The following KMT2C variants were observed in gnomAD, a reference collection of about 807,000 sequenced individuals.
KMT2C encodes histone-lysine N-methyltransferase 2C.
In KMT2C, 88 loss-of-function variants were observed where a neutral mutation model predicts 507.9. The ratio of observed to expected loss-of-function variants is 0.17; its 90% confidence interval spans 0.15 to 0.21. KMT2C has a LOEUF of 0.21. Ranked by LOEUF, KMT2C falls within the 10% of genes least tolerant of loss-of-function variation. KMT2C has a pLI of 1.00. For synonymous variants in KMT2C, 2,049 were observed against 2,080.8 expected (o/e 0.98, Z 0.42); for missense variants, 4,954 against 5,957.8 (o/e 0.83, Z 5.55).
chr7:152,297,017 G>GA (rs1330816776), intron 6 of KMT2C, among the ~76,000 whole-genome samples: 1 of 82,290 alleles, frequency 1.2e-5, no homozygotes, highest in Non-Finnish European at 2.2e-5. Flanking sequence ...AAGAAAGAAA[G>GA]AAAGAAAGAA....
In KMT2C at chr7:152,267,585, T is replaced by A. The variant is rs145442261; in HGVS notation, c.1013-2376A>T. Among the ~76,000 whole-genome samples the A allele has an allele frequency of 2.2e-4, 34 of 152,358 alleles. No homozygotes were observed. The East Asian group carries it at 6.6e-3, about 29-fold the overall frequency. ...TGACATTACTTTTAATGGCGAAGAC[T>A]GCAATTACCTTTGTACCTACCTAAT... On this transcript the variant is annotated intron_variant, in intron 7 of 58. Transcript: ENST00000262189.
At chr7:152,200,808 G>A (rs2094113726) in intron 26 of KMT2C, among the ~76,000 whole-genome samples, 2 of 152,140 alleles carry the variant, frequency 1.3e-5, no homozygotes, top group Non-Finnish European at 2.9e-5. Context: ...AAGGACAAAT[G>A]CCAAATTATT....
intron 23 of KMT2C, 84 bp downstream of exon 23, chr7:152,220,439 G>C (rs2094729946): frequency 1.9e-6 from 2 of 1,071,622 alleles, no homozygotes; most frequent in African/African-American, 3.1e-5. Flanking sequence ...TTTACCCTTT[G>C]GTAAATCATA....
chr7:152,187,157 T>A, intron 33 of KMT2C, 105 bp downstream of exon 33: 1 of 843,770 alleles, frequency 1.2e-6, no homozygotes, highest in South Asian at 1.6e-5. Context: ...TGGGTCATCA[T>A]AGACAAAAAT....
At chr7:152,333,090 A>G (rs2096899408) in intron 2 of KMT2C, among the ~76,000 whole-genome samples, 2 of 152,126 alleles carry the variant, frequency 1.3e-5, no homozygotes, top group African/African-American at 4.8e-5. Context: ...GATTTCCTTT[A>G]GACCTCTAAA....
At position 152,384,576 on chromosome 7, in the gene KMT2C, C is replaced by T. The variant is rs1589627137; in HGVS notation, c.162-25901G>A. On this transcript the variant is annotated intron_variant, in intron 1 of 58. Coordinates refer to ENST00000262189, the MANE Select transcript of KMT2C (RefSeq NM_170606.3). ...CCACCACCACCACCACCACCACCAC[C>T]ACCACCACCACCACCACCACCACCA... Among the ~76,000 whole-genome samples the T allele has an allele frequency of 4.9e-4, 71 of 144,580 alleles. 1 individual carries two copies. Among genetic ancestry groups the T allele is most frequent in the South Asian group, 2.7e-3 (12 of 4,406 alleles). 94.9% of individuals were successfully genotyped at this position (144,580 alleles called of 152,430 possible).
chr7:152,226,924 C>G (rs1173722837), intron 18 of KMT2C, among the ~76,000 whole-genome samples: 1 of 152,152 alleles, frequency 6.6e-6, no homozygotes, highest in Non-Finnish European at 1.5e-5. Flanking sequence ...TAAACAATGA[C>G]CTGAAGATAA....
At chr7:152,265,297 A>C (rs2095844185) in intron 7 of KMT2C, 88 bp from the exon 8 acceptor site, 1 of 1,558,116 alleles carries the variant, frequency 6.4e-7, no homozygotes, top group African/African-American at 1.4e-5. Context: ...AAGGATTTGC[A>C]TCATGAACCT....
chr7:152,351,589 G>A (rs1482109160), intron 2 of KMT2C, among the ~76,000 whole-genome samples: 1 of 152,176 alleles, frequency 6.6e-6, no homozygotes, highest in Non-Finnish European at 1.5e-5. Context: ...TCCCTTTGTT[G>A]TGGGAAGTCA....
chr7:152,367,510 A>AC (rs1259729966), intron 1 of KMT2C: 1 of 1,017,386 alleles, frequency 9.8e-7, no homozygotes, highest in Non-Finnish European at 1.5e-6. Flanking sequence ...GAGCCACCTT[A>AC]CCCAGAGAGG....
intron 1 of KMT2C, among the ~76,000 whole-genome samples, chr7:152,392,912 T>G (rs2097510978): frequency 6.6e-6 from 1 of 152,190 alleles, no homozygotes; most frequent in Non-Finnish European, 1.5e-5. Flanking sequence ...AAGGGCAACA[T>G]AGTGATATCT....
chr7:152,353,907 T>C (rs1274866709), intron 2 of KMT2C, among the ~76,000 whole-genome samples: 2 of 152,198 alleles, frequency 1.3e-5, no homozygotes, highest in Non-Finnish European at 2.9e-5. Context: ...CATACATATG[T>C]TAAAACCTTG....
chr7:152,182,210 G>T lies in KMT2C; in HGVS notation c.5650C>A (p.Pro1884Thr), dbSNP rs778626630. ...SQPPSPQVFS[P>T]GSSNSRPPSP... ...GGTGGTCGTGAGTTAGAGGACCCAG[G>T]TGAAAACACTTGCGGTGAGGGTGGC... Residue 1884 changes from proline to threonine, a missense_variant, in exon 36 of 59, where the codon CCT (proline) becomes ACT (threonine). Pro to Thr is a conservative substitution (Grantham distance 38, BLOSUM62 -1). Around this residue, in one of 29 missense-constraint regions of KMT2C, gnomAD observed 1,689 missense variants for 1,654.3 expected, o/e 1.02. Coordinates refer to ENST00000262189, the MANE Select transcript of KMT2C (RefSeq NM_170606.3). The T allele has an allele frequency of 1.2e-6, 2 of 1,614,138 alleles. No homozygotes were observed. The highest frequency in any genetic ancestry group is 1.7e-6 in the Non-Finnish European group (2 of 1,180,044).
At chr7:152,372,962 C>T (rs1420049485) in intron 1 of KMT2C, among the ~76,000 whole-genome samples, 1 of 152,068 alleles carries the variant, frequency 6.6e-6, no homozygotes, top group Non-Finnish European at 1.5e-5. Flanking sequence ...TGTTAGGCCA[C>T]AAAACAAGTT....
At chr7:152,270,915 T>C (rs970581036) in intron 7 of KMT2C, among the ~76,000 whole-genome samples, 150 of 152,328 alleles carry the variant, frequency 9.8e-4, no homozygotes, top group African/African-American at 3.5e-3. Flanking sequence ...ATGCATGCTT[T>C]TGTTAAATTT....
At chr7:152,211,556 C>T (rs1399547292) in intron 23 of KMT2C, among the ~76,000 whole-genome samples, 5 of 152,186 alleles carry the variant, frequency 3.3e-5, no homozygotes, top group African/African-American at 1.2e-4. Flanking sequence ...TGAAACAATG[C>T]ACACAAGGAC....
chr7:152,251,009 T>C (rs1223512208), intron 11 of KMT2C, 43 bp from the exon 12 acceptor site: 6 of 1,126,184 alleles, frequency 5.3e-6, no homozygotes, highest in Non-Finnish European at 8.0e-6. Flanking sequence ...AATGAGTTTT[T>C]TTCTTTGTTC....
chr7:152,139,146 C>A (rs774764448), intron 57 of KMT2C, 40 bp downstream of exon 57: 7 of 1,599,788 alleles, frequency 4.4e-6, no homozygotes, highest in Non-Finnish European at 6.0e-6. Flanking sequence ...ACTGGCCCCA[C>A]AAGCAAAAGC....
At chr7:152,321,903 A>G (rs2096776068) in intron 3 of KMT2C, among the ~76,000 whole-genome samples, 2 of 151,988 alleles carry the variant, frequency 1.3e-5, no homozygotes, top group African/African-American at 4.8e-5. Flanking sequence ...GTCAATTTTC[A>G]CAGAAATAAA....
Sources: gnomAD v4.1 joint callset for allele counts (sites outside exome capture counted in the v4.1 genomes callset) on GRCh38, gnomAD v4.1.1 for gene constraint, gnomAD v4.1.1 regional missense constraint, MANE v1.5 for transcripts, NCBI Gene and HGNC (gene_info 2026-07-23, HGNC 2026-07-21) for gene names.